MAP2: variants seen among roughly 807,000 people sequenced by gnomAD.
The protein encoded by MAP2 is microtubule-associated protein 2.
MAP2 carries 14 observed loss-of-function variants against 137.6 expected under a neutral mutation model. That is an observed-to-expected ratio of 0.10 (90% CI 0.07 to 0.16). The LOEUF (loss-of-function observed/expected upper bound fraction) is 0.16, where lower values mean the gene tolerates loss of function less well. Among genes scored for constraint, MAP2 ranks in the 10% least tolerant of loss-of-function variants. MAP2 has a pLI of 1.00. For missense variants in MAP2, 2,088 were observed against 2,191.5 expected (o/e 0.95, Z 0.94); for synonymous variants, 786 against 782.3 (o/e 1.00, Z -0.08).
chr2:209,599,164 A>T (rs1237564158), intron 3 of MAP2, among the ~76,000 whole-genome samples: 2 of 151,436 alleles, frequency 1.3e-5, no homozygotes. Flanking sequence ...ATGATATCTC[A>T]TTGTGGTTTT....
At chr2:209,605,062 T>C (rs992606216) in intron 3 of MAP2, among the ~76,000 whole-genome samples, 2 of 152,200 alleles carry the variant, frequency 1.3e-5, no homozygotes, top group African/African-American at 4.8e-5. Context: ...TATATGCGTG[T>C]GTATGCAAAT....
chr2:209,680,681 C>T (rs1312303892), intron 6 of MAP2, 69 bp from the exon 7 acceptor site: 3 of 1,338,546 alleles, frequency 2.2e-6, no homozygotes, highest in Admixed American at 1.7e-5. Flanking sequence ...AATGGCAGAA[C>T]TTCCTACACA....
intron 1 of MAP2, among the ~76,000 whole-genome samples, chr2:209,490,646 C>T (rs1366667806): frequency 4.3e-5 from 5 of 115,364 alleles, no homozygotes; most frequent in African/African-American, 6.5e-5. Flanking sequence ...GCAGGGATGG[C>T]AATCCTAGTC....
rs757600166 is a variant in MAP2 at position 209,692,770 on chromosome 2, G to C, written c.600G>C (p.Gln200His). 6.2e-7 allele frequency: 1 copy of C among 1,614,064 alleles called. No homozygotes were observed. Among genetic ancestry groups the C allele is most frequent in the East Asian group, 2.2e-5 (1 of 44,874 alleles). Residue 200 changes from glutamine to histidine, a missense_variant, in exon 8 of 16, where the codon CAG becomes CAC. This residue lies in a region of MAP2 where 859 missense variants were observed against 794.5 expected (regional missense o/e 1.08). Coordinates refer to ENST00000682079, the MANE Select transcript of MAP2 (RefSeq NM_001375505.1). ...TTAAACATGCTGCCTTAGTTTCTCAGCCAGAGACAACTAAAACTTACCCTG... is the reference window on the plus strand; with the variant it reads ...TTAAACATGCTGCCTTAGTTTCTCACCCAGAGACAACTAAAACTTACCCTG... Reference protein sequence around the residue: ...EDLKHAALVSQPETTKTYPDK... With the variant: ...EDLKHAALVSHPETTKTYPDK...
chr2:209,435,980 ACAGT>A (rs1559159348), intron 1 of MAP2, among the ~76,000 whole-genome samples: 1 of 106,294 alleles, frequency 9.4e-6, no homozygotes, highest in Non-Finnish European at 1.7e-5. Flanking sequence ...TATAATATAT[ACAGT>A]ATATATTATA....
chr2:209,592,356 C>G (rs2079493798), intron 3 of MAP2, among the ~76,000 whole-genome samples: 1 of 152,130 alleles, frequency 6.6e-6, no homozygotes, highest in Non-Finnish European at 1.5e-5. Context: ...CAAGTCATGA[C>G]TTACTTACCC....
chr2:209,508,821 G>T (rs184993975), intron 2 of MAP2, among the ~76,000 whole-genome samples: 2 of 151,768 alleles, frequency 1.3e-5, no homozygotes, highest in Non-Finnish European at 2.9e-5. Flanking sequence ...TATATAGTTC[G>T]GGGTCAAATT....
intron 5 of MAP2, among the ~76,000 whole-genome samples, chr2:209,655,314 A>G (rs907545924): frequency 1.4e-4 from 21 of 152,242 alleles, no homozygotes; most frequent in African/African-American, 4.8e-4. Context: ...ACAGTCAGCC[A>G]TGGGCTACCA....
chr2:209,720,827 T>C (rs1221072975), intron 13 of MAP2, among the ~76,000 whole-genome samples: 1 of 152,066 alleles, frequency 6.6e-6, no homozygotes, highest in Non-Finnish European at 1.5e-5. Context: ...AATTTTCTCT[T>C]GACATAGGTT....
At chr2:209,625,457 T>A (rs2092129002) in intron 4 of MAP2, among the ~76,000 whole-genome samples, 1 of 152,212 alleles carries the variant, frequency 6.6e-6, no homozygotes, top group Admixed American at 6.5e-5. Context: ...CCAAGCATGA[T>A]CCTACATGAC....
chr2:209,424,308 T>C (rs1691905409), intron 1 of MAP2, 32 bp downstream of exon 1: 1 of 152,248 alleles, frequency 6.6e-6, no homozygotes, highest in Admixed American at 6.5e-5. Flanking sequence ...TGGCTCTATG[T>C]AGGGCGCCTC....
intron 7 of MAP2, chr2:209,684,580 G>A (rs928542435): frequency 1.3e-5 from 2 of 152,164 alleles, no homozygotes; most frequent in African/African-American, 4.8e-5. Context: ...TTAGCCCAGT[G>A]TAAATTTTCA....
At chr2:209,678,799 A>G (rs977885409) in intron 6 of MAP2, 114 bp downstream of exon 6, 2 of 505,316 alleles carry the variant, frequency 4.0e-6, no homozygotes, top group Non-Finnish European at 6.9e-6. Context: ...TACATGTAAC[A>G]TTCATCAGAC....
chr2:209,474,967 A>G (rs1158926147), intron 1 of MAP2, among the ~76,000 whole-genome samples: 2 of 151,990 alleles, frequency 1.3e-5, no homozygotes, highest in Non-Finnish European at 2.9e-5. Flanking sequence ...TTTGCAAGTA[A>G]TGGGTTTTCA....
At chr2:209,494,638 C>G (rs913963423) in intron 1 of MAP2, among the ~76,000 whole-genome samples, 3 of 152,134 alleles carry the variant, frequency 2.0e-5, no homozygotes, top group African/African-American at 7.2e-5. Flanking sequence ...AATAATCATA[C>G]AAATGGACAA....
chr2:209,513,319 T>C (rs986034146), intron 2 of MAP2, among the ~76,000 whole-genome samples: 3 of 152,172 alleles, frequency 2.0e-5, no homozygotes, highest in Non-Finnish European at 2.9e-5. Context: ...CTTCATGTTA[T>C]GATTGTATCT....
intron 5 of MAP2, among the ~76,000 whole-genome samples, chr2:209,654,775 G>T (rs1303774322): frequency 6.6e-6 from 1 of 152,088 alleles, no homozygotes; most frequent in Non-Finnish European, 1.5e-5. Flanking sequence ...ATATGTCAAG[G>T]TTTTTTTCAT....
chr2:209,570,498 A>G (rs2074218545), intron 2 of MAP2, among the ~76,000 whole-genome samples: 1 of 151,954 alleles, frequency 6.6e-6, no homozygotes, highest in African/African-American at 2.4e-5. Flanking sequence ...CTGGCACTTT[A>G]TAGGTTCTTA....
At chr2:209,609,667 A>G (rs919399357) in intron 3 of MAP2, among the ~76,000 whole-genome samples, 1 of 152,210 alleles carries the variant, frequency 6.6e-6, no homozygotes, top group Admixed American at 6.5e-5. Flanking sequence ...TTATGGAAGA[A>G]TAATATTCCA....
Sources: gnomAD v4.1 joint callset for allele counts (sites outside exome capture counted in the v4.1 genomes callset) on GRCh38, gnomAD v4.1.1 for gene constraint, gnomAD v4.1.1 regional missense constraint, MANE v1.5 for transcripts, NCBI Gene and HGNC (gene_info 2026-07-23, HGNC 2026-07-21) for gene names.